CSMD1: variants seen among roughly 807,000 people sequenced by gnomAD.
CSMD1 encodes CUB and Sushi multiple domains 1, also known as CUB and sushi domain-containing protein 1.
A neutral mutation model predicts 417.5 loss-of-function variants in CSMD1; 213 were observed. The observed-to-expected ratio is 0.51, with a 90% CI of 0.46 to 0.57. The LOEUF (loss-of-function observed/expected upper bound fraction) is 0.57. CSMD1 is among the 20% of genes least tolerant of loss of function. CSMD1 has a pLI of 0.00. For synonymous variants in CSMD1, 2,862 were observed against 1,736.8 expected (o/e 1.65, Z -16.11); for missense variants, 6,923 against 4,529.7 (o/e 1.53, Z -15.17).
chr8:3,317,229 C>T (rs1015446374), intron 23 of CSMD1, among the ~76,000 whole-genome samples: 2 of 152,188 alleles, frequency 1.3e-5, no homozygotes, highest in African/African-American at 4.8e-5. Flanking sequence ...AAAAGGAATA[C>T]ATCTTTCATT....
intron 3 of CSMD1, among the ~76,000 whole-genome samples, chr8:4,289,197 C>G (rs1038683651): frequency 2.6e-5 from 4 of 152,152 alleles, no homozygotes; most frequent in Admixed American, 6.5e-5. Context: ...GACAAATACT[C>G]TTTACCAGTT....
At chr8:4,530,081 G>GT (rs894261516) in intron 2 of CSMD1, among the ~76,000 whole-genome samples, 15 of 151,228 alleles carry the variant, frequency 9.9e-5, no homozygotes, top group African/African-American at 3.6e-4. Flanking sequence ...CGCCCGACTA[G>GT]TTTTTTGTAT....
rs1191886515 is a variant in CSMD1, at chr8:3,176,430, C to CA, written c.5725+4679dup. ...TAGATCTCATTAAAAAGTGTGCATTCAAAAAAAACTTCTCCACAGTTAACC... is the reference window on the plus strand; with the variant it reads ...TAGATCTCATTAAAAAGTGTGCATTCAAAAAAAAACTTCTCCACAGTTAACC... On this transcript the variant is annotated intron_variant, in intron 37 of 69. Coordinates refer to ENST00000635120, the MANE Select transcript of CSMD1 (RefSeq NM_033225.6). 3.3e-5 allele frequency among the ~76,000 whole-genome samples: 5 copies of CA among 151,248 alleles called. No individual in the cohort carries two copies. The South Asian group carries it at 6.3e-4, about 19-fold the overall frequency.
chr8:4,114,429 A>G (rs1332725671), intron 3 of CSMD1, among the ~76,000 whole-genome samples: 1 of 152,230 alleles, frequency 6.6e-6, no homozygotes, highest in East Asian at 1.9e-4. Context: ...TTGACAACAC[A>G]GGTGGTTACG....
intron 5 of CSMD1, among the ~76,000 whole-genome samples, chr8:3,816,905 T>C (rs1801398290): frequency 6.6e-6 from 1 of 152,152 alleles, no homozygotes; most frequent in South Asian, 2.1e-4. Context: ...ACCTCATAAA[T>C]TCTATATGGT....
chr8:3,400,872 AG>A (rs1358509929), intron 15 of CSMD1, among the ~76,000 whole-genome samples: 1 of 151,472 alleles, frequency 6.6e-6, no homozygotes, highest in Non-Finnish European at 1.5e-5. Context: ...ATTATTCTGT[AG>A]TTTAAAAATA....
intron 4 of CSMD1, among the ~76,000 whole-genome samples, chr8:4,024,622 G>T (rs146696471): frequency 6.6e-6 from 1 of 152,234 alleles, no homozygotes; most frequent in East Asian, 1.9e-4. Flanking sequence ...GTTCTTTGAG[G>T]TACAAGCAGG....
intron 5 of CSMD1, among the ~76,000 whole-genome samples, chr8:3,923,732 C>A (rs1170298773): frequency 1.3e-5 from 2 of 152,158 alleles, no homozygotes; most frequent in Non-Finnish European, 2.9e-5. Flanking sequence ...TCCTGTCTCA[C>A]TGAAACTTTA....
chr8:4,473,572 G>A (rs756255050), intron 2 of CSMD1, among the ~76,000 whole-genome samples: 18 of 152,146 alleles, frequency 1.2e-4, no homozygotes, highest in Non-Finnish European at 2.2e-4. Context: ...CATATCAATA[G>A]TAGTTATGCA....
intron 1 of CSMD1, among the ~76,000 whole-genome samples, chr8:4,725,911 G>A (rs548601491): frequency 2.2e-4 from 33 of 152,202 alleles, no homozygotes; most frequent in Admixed American, 9.8e-4. Context: ...CATTCCAGGG[G>A]GGGTTACTTT....
intron 3 of CSMD1, among the ~76,000 whole-genome samples, chr8:4,283,961 G>C (rs1796924647): frequency 6.6e-6 from 1 of 152,106 alleles, no homozygotes; most frequent in South Asian, 2.1e-4. Flanking sequence ...GGCCAGGGGT[G>C]GTGGCTCACA....
chr8:4,460,229 T>A (rs1799730819), intron 2 of CSMD1, among the ~76,000 whole-genome samples: 1 of 152,142 alleles, frequency 6.6e-6, no homozygotes, highest in South Asian at 2.1e-4. Context: ...GTTAAAAAAA[T>A]TTCTAAAAAC....
At chr8:3,477,843 A>C (rs1247082169) in intron 11 of CSMD1, among the ~76,000 whole-genome samples, 1 of 152,182 alleles carries the variant, frequency 6.6e-6, no homozygotes, top group Non-Finnish European at 1.5e-5. Context: ...AGGACATGGT[A>C]GTTACAGATT....
chr8:4,974,496 T>G (rs1417232922), intron 1 of CSMD1, among the ~76,000 whole-genome samples: 1 of 142,054 alleles, frequency 7.0e-6, no homozygotes, highest in Non-Finnish European at 1.6e-5. Flanking sequence ...TGGAGAATGA[T>G]CATTACATGA....
intron 12 of CSMD1, among the ~76,000 whole-genome samples, chr8:3,427,984 A>G (rs1423741510): frequency 6.6e-6 from 1 of 152,220 alleles, no homozygotes; most frequent in Non-Finnish European, 1.5e-5. Context: ...TAGAAAATGG[A>G]ATTAAGCCTT....
chr8:4,908,435 T>C (rs936210434), intron 1 of CSMD1, among the ~76,000 whole-genome samples: 2 of 152,196 alleles, frequency 1.3e-5, no homozygotes, highest in African/African-American at 4.8e-5. Flanking sequence ...ATTCCTCAAA[T>C]CTATCTTTCT....
chr8:2,945,034 C>A (rs527753430), intron 68 of CSMD1, among the ~76,000 whole-genome samples: 4 of 151,690 alleles, frequency 2.6e-5, no homozygotes, highest in Admixed American at 2.6e-4. Context: ...GCCTGCAGCT[C>A]CTAGTTAATT....
intron 6 of CSMD1, among the ~76,000 whole-genome samples, chr8:3,752,391 A>C (rs1797386818): frequency 6.6e-6 from 1 of 152,150 alleles, no homozygotes; most frequent in Admixed American, 6.5e-5. Context: ...ACGGTGGCTC[A>C]CACCTGTAAT....
chr8:4,207,589 G>T (rs773611332), intron 3 of CSMD1, among the ~76,000 whole-genome samples: 4 of 152,034 alleles, frequency 2.6e-5, no homozygotes, highest in Non-Finnish European at 4.4e-5. Context: ...GAAATATTAG[G>T]TTTAATATTC....
Sources: gnomAD v4.1 joint callset for allele counts (sites outside exome capture counted in the v4.1 genomes callset) on GRCh38, gnomAD v4.1.1 for gene constraint, MANE v1.5 for transcripts, NCBI Gene and HGNC (gene_info 2026-07-23, HGNC 2026-07-21) for gene names.